CNOT6L: variants seen among roughly 807,000 people sequenced by gnomAD.
CNOT6L encodes the protein CCR4-NOT transcription complex subunit 6 like, also known as CCR4-NOT transcription complex subunit 6-like.
In CNOT6L, 7 loss-of-function variants were observed where a neutral mutation model predicts 64.0. The ratio of observed to expected loss-of-function variants is 0.11; its 90% confidence interval spans 0.06 to 0.21. The LOEUF (loss-of-function observed/expected upper bound fraction) is 0.21. Ranked by LOEUF, CNOT6L falls within the 10% of genes least tolerant of loss-of-function variation. CNOT6L has a pLI of 1.00. For synonymous variants in CNOT6L, 193 were observed against 243.4 expected (o/e 0.79, Z 1.93); for missense variants, 245 against 669.0 (o/e 0.37, Z 6.99).
chr4:77,718,296 AAT>A lies in CNOT6L; in HGVS notation c.*2133_*2134del, dbSNP rs971647859. The A allele has an allele frequency of 6.6e-6, 1 of 152,578 alleles. No individual in the cohort carries two copies. The highest frequency in any genetic ancestry group is 2.4e-5 in the African/African-American group (1 of 41,452). 9.5% of individuals were successfully genotyped at this position (152,578 alleles called of 1,614,324 possible). ...AACCCACCCAAAACAAAAGATCTAA[AAT>A]AAAACATACAGTAGCTGATTACAAA... On this transcript the variant is annotated 3_prime_UTR_variant, in exon 12 of 12. Transcript: ENST00000504123.
At chr4:77,736,642 T>C (rs1178453652) in intron 8 of CNOT6L, among the ~76,000 whole-genome samples, 1 of 152,216 alleles carries the variant, frequency 6.6e-6, no homozygotes, top group Non-Finnish European at 1.5e-5. Flanking sequence ...TATTAGTTTA[T>C]AGTTACTTTC....
chr4:77,729,396 C>T (rs1722196724), intron 9 of CNOT6L, among the ~76,000 whole-genome samples: 1 of 152,174 alleles, frequency 6.6e-6, no homozygotes, highest in Non-Finnish European at 1.5e-5. Context: ...GGCAGGTTTT[C>T]AGTTGAGTTA....
chr4:77,736,830 CTA>C (rs1722999848), intron 8 of CNOT6L, among the ~76,000 whole-genome samples: 1 of 151,588 alleles, frequency 6.6e-6, no homozygotes, highest in Non-Finnish European at 1.5e-5. Flanking sequence ...GAAAAAAAAA[CTA>C]GACGAAAGGT....
chr4:77,737,844 T>C (rs145585940), intron 8 of CNOT6L, among the ~76,000 whole-genome samples: 5 of 152,298 alleles, frequency 3.3e-5, no homozygotes, highest in African/African-American at 1.2e-4. Context: ...AAAGTCGTAA[T>C]GTTATGATCC....
At chr4:77,739,819 T>C (rs985933006) in intron 8 of CNOT6L, among the ~76,000 whole-genome samples, 15 of 152,234 alleles carry the variant, frequency 9.9e-5, no homozygotes, top group African/African-American at 3.6e-4. Flanking sequence ...GCATTTTTAA[T>C]AATTCAAGAA....
At chr4:77,808,242 A>C (rs1389926602) in intron 1 of CNOT6L, among the ~76,000 whole-genome samples, 2 of 151,978 alleles carry the variant, frequency 1.3e-5, no homozygotes, top group Non-Finnish European at 2.9e-5. Flanking sequence ...CAGGTGGATC[A>C]TTTGAGGTCA....
intron 1 of CNOT6L, among the ~76,000 whole-genome samples, chr4:77,806,688 T>C (rs1271319576): frequency 6.6e-6 from 1 of 152,172 alleles, no homozygotes; most frequent in East Asian, 1.9e-4. Context: ...AAGCTTTGTA[T>C]CAATGACTCC....
At chr4:77,749,012 T>C (rs12510593) in intron 5 of CNOT6L, among the ~76,000 whole-genome samples, 119,708 of 152,098 alleles carry the variant, frequency 0.79, 47,966 homozygotes, top group Non-Finnish European at 0.86. Flanking sequence ...ACTACCCCCT[T>C]TTCTTTTCCT....
chr4:77,731,239 G>A (rs1470662347), intron 9 of CNOT6L, 148 bp downstream of exon 9: 11 of 653,770 alleles, frequency 1.7e-5, no homozygotes, highest in Non-Finnish European at 2.9e-5. Flanking sequence ...TTACACAATG[G>A]TGCTATTTTC....
At chr4:77,778,700 G>A (rs1463533893) in intron 1 of CNOT6L, among the ~76,000 whole-genome samples, 1 of 151,156 alleles carries the variant, frequency 6.6e-6, no homozygotes, top group Non-Finnish European at 1.5e-5. Flanking sequence ...AAAGTGCTGG[G>A]ATTACAGGCG....
rs959649045 is a variant in CNOT6L at position 77,726,433 on chromosome 4, A to G, written c.1253-64T>C. On this transcript the variant is annotated intron_variant, in intron 10 of 11. Coordinates refer to ENST00000504123, the MANE Select transcript of CNOT6L (RefSeq NM_144571.3). ...AGACCTTACACAAGGCTTCACAGCCAAGACTTGTTACCAGGTTAATCCACC... is the reference window on the plus strand; with the variant it reads ...AGACCTTACACAAGGCTTCACAGCCGAGACTTGTTACCAGGTTAATCCACC... 1.0e-5 allele frequency: 13 copies of G among 1,292,270 alleles called. No individual in the cohort carries two copies. The African/African-American group carries it at 1.6e-4, about 16-fold the overall frequency. 80.1% of individuals were successfully genotyped at this position (1,292,270 alleles called of 1,614,324 possible).
At chr4:77,781,709 G>A (rs896509946) in intron 1 of CNOT6L, among the ~76,000 whole-genome samples, 9 of 21,232 alleles carry the variant, frequency 4.2e-4, no homozygotes, top group Non-Finnish European at 7.4e-4. Context: ...GTCATCTAAA[G>A]TAGCTTACAA....
Position 77,739,750 on chromosome 4 carries a change from AG to A in CNOT6L, c.872+2390del, listed in dbSNP as rs567585515. Among the ~76,000 whole-genome samples, 17 of 152,338 alleles carry A rather than the reference AG, an allele frequency of 1.1e-4. No homozygotes were observed. In the South Asian group the frequency reaches 3.5e-3, roughly 32 times the overall value. ...CAGGAAAAAAGAGTTGAGGAAGAAA[AG>A]AAAAACAGGTGACACATCTAAGTAC... On this transcript the variant is annotated intron_variant, in intron 8 of 11. Coordinates refer to ENST00000504123, the MANE Select transcript of CNOT6L (RefSeq NM_144571.3).
chr4:77,780,506 T>C (rs1185193418), intron 1 of CNOT6L, among the ~76,000 whole-genome samples: 3 of 152,188 alleles, frequency 2.0e-5, no homozygotes, highest in East Asian at 1.9e-4. Context: ...CTCCACTTAG[T>C]TTCCCAAATA....
chr4:77,799,368 T>C (rs1311803279), intron 1 of CNOT6L, among the ~76,000 whole-genome samples: 1 of 152,154 alleles, frequency 6.6e-6, no homozygotes, highest in Non-Finnish European at 1.5e-5. Context: ...ACCACGCTAA[T>C]GCCACTGCAC....
In CNOT6L at chr4:77,788,895, T is replaced by C. The variant is rs1729768981; in HGVS notation, c.6-12503A>G. Among the ~76,000 whole-genome samples the C allele has an allele frequency of 3.3e-5, 5 of 151,826 alleles. No homozygotes were observed. The South Asian group carries it at 1.0e-3, about 32-fold the overall frequency. On this transcript the variant is annotated intron_variant, in intron 1 of 11. Coordinates refer to ENST00000504123, the MANE Select transcript of CNOT6L (RefSeq NM_144571.3). ...TTAACCTAAGCCTAAAGACAAGAGT[T>C]TATTCTCAACAATAAGGTAGTTAAA...
intron 4 of CNOT6L, among the ~76,000 whole-genome samples, chr4:77,760,864 T>TTTTTTTC (rs1726141442): frequency 3.0e-5 from 1 of 33,120 alleles, no homozygotes; most frequent in African/African-American, 1.2e-4. Context: ...GCCTGGCTTT[T>TTTTTTTC]TTTTTTTTTT....
intron 1 of CNOT6L, among the ~76,000 whole-genome samples, chr4:77,779,728 G>A (rs1021145544): frequency 7.2e-5 from 11 of 152,156 alleles, no homozygotes; most frequent in Admixed American, 5.2e-4. Context: ...TTGGGAGGCC[G>A]AGGCGGGCAG....
chr4:77,754,828 TCA>T (rs1474492309), intron 5 of CNOT6L, among the ~76,000 whole-genome samples: 1 of 113,752 alleles, frequency 8.8e-6, no homozygotes, highest in Non-Finnish European at 1.8e-5. Context: ...AATAAATGGC[TCA>T]GAGTCAATAT....
Sources: allele counts gnomAD v4.1 joint callset (sites outside exome capture counted in the v4.1 genomes callset), GRCh38; gene constraint gnomAD v4.1.1; transcripts MANE v1.5; gene names NCBI Gene and HGNC (gene_info 2026-07-23, HGNC 2026-07-21).